MTG1: variants seen among roughly 807,000 people sequenced by gnomAD.
The protein encoded by MTG1 is mitochondrial ribosome associated GTPase 1, also known as mitochondrial ribosome-associated GTPase 1.
Under a neutral mutation model 39.5 loss-of-function variants are expected in MTG1, and 30 were observed. The observed-to-expected ratio is 0.76, with a 90% confidence interval of 0.57 to 1.03. The LOEUF (loss-of-function observed/expected upper bound fraction) is 1.03. MTG1 is among the 50% of genes least tolerant of loss of function. MTG1 has a pLI of 0.00. For synonymous variants in MTG1, 217 were observed against 179.0 expected (o/e 1.21, Z -1.69); for missense variants, 513 against 447.4 (o/e 1.15, Z -1.32).
intron 9 of MTG1, among the ~76,000 whole-genome samples, chr10:133,404,487 TA>T (rs1564820478): frequency 5.0e-5 from 1 of 19,928 alleles, no homozygotes; most frequent in Non-Finnish European, 3.5e-4. Flanking sequence ...GGTTTGTAAA[TA>T]CTTTAAGTCT....
At chr10:133,413,477 C>T (rs1850074864) in intron 9 of MTG1, among the ~76,000 whole-genome samples, 1 of 152,162 alleles carries the variant, frequency 6.6e-6, no homozygotes, top group South Asian at 2.1e-4. Context: ...TGGTCTTGAA[C>T]TCCTGACCTC....
Position 133,398,227 on chromosome 10 carries a change from T to C in MTG1, c.283-208T>C, listed in dbSNP as rs143293482. On this transcript the variant is annotated intron_variant, in intron 3 of 10. Coordinates refer to ENST00000317502, the MANE Select transcript of MTG1 (RefSeq NM_138384.4). Reference sequence around the variant, plus strand: ...ACTGCTTTGCACTAGTTTCACTGCATGTTAAGGCCAGTGAATTCAAAAATT... The same window carrying C: ...ACTGCTTTGCACTAGTTTCACTGCACGTTAAGGCCAGTGAATTCAAAAATT... Among the ~76,000 whole-genome samples, 979 of 152,288 alleles carry C rather than the reference T, an allele frequency of 6.4e-3. 7 individuals are homozygous for C. The highest frequency in any genetic ancestry group is 8.7e-3 in the Non-Finnish European group (595 of 68,026).
At chr10:133,401,696 C>T (rs770456696) in intron 7 of MTG1, 106 bp downstream of exon 7, 13 of 1,087,820 alleles carry the variant, frequency 1.2e-5, no homozygotes, top group Non-Finnish European at 1.5e-5. Context: ...GCTTCCCTCC[C>T]CTCCACTCAG....
Position 133,402,182 on chromosome 10 carries a change from A to G in MTG1, c.607A>G (p.Thr203Ala), listed in dbSNP as rs780715228. ...SERPLMFLLD[T>A]PGVLAPRIES... ...GCGGCCCCTGATGTTCCTGTTGGAC[A>G]CTCCTGGCGTGCTGGCTCCTCGGAT... Residue 203 changes from threonine to alanine, a missense_variant, in exon 8 of 11, where the codon ACT (threonine) becomes GCT (alanine). Transcript: ENST00000317502. The surrounding 1 kb of genome is among the most constrained non-coding windows in gnomAD (Gnocchi z 4.7). 1 of 1,613,252 alleles carries G rather than the reference A, an allele frequency of 6.2e-7. No homozygotes were observed. Among genetic ancestry groups the G allele is most frequent in the African/African-American group, 1.3e-5 (1 of 74,810 alleles).
At chr10:133,411,565 A>G (rs2133508954) in intron 9 of MTG1, among the ~76,000 whole-genome samples, 1 of 151,456 alleles carries the variant, frequency 6.6e-6, no homozygotes, top group South Asian at 2.1e-4. Flanking sequence ...TCCTTCTTGA[A>G]CCCCAGTAAT....
intron 6 of MTG1, among the ~76,000 whole-genome samples, chr10:133,399,973 A>G (rs1849849450): frequency 6.6e-6 from 1 of 152,202 alleles, no homozygotes; most frequent in South Asian, 2.1e-4. Flanking sequence ...CGGGCGGATC[A>G]TGAGGTCAGG....
intron 9 of MTG1, among the ~76,000 whole-genome samples, chr10:133,408,838 T>G (rs990674843): frequency 6.6e-6 from 1 of 152,224 alleles, no homozygotes; most frequent in Non-Finnish European, 1.5e-5. Context: ...TGCTGTGTAG[T>G]TGTTCGTAGT....
chr10:133,412,956 G>A (rs1486983054), intron 9 of MTG1, among the ~76,000 whole-genome samples: 5 of 152,274 alleles, frequency 3.3e-5, no homozygotes, highest in African/African-American at 9.6e-5. Flanking sequence ...TTTTGGCTTC[G>A]TGTATTTCGA....
intron 6 of MTG1, 56 bp downstream of exon 6, chr10:133,399,675 G>A (rs1173043885): frequency 5.1e-6 from 8 of 1,558,360 alleles, no homozygotes; most frequent in East Asian, 2.2e-5. Flanking sequence ...TGTGGCTGAT[G>A]TGCTGATGCC....
At chr10:133,412,825 C>A (rs576457795) in intron 9 of MTG1, among the ~76,000 whole-genome samples, 50 of 152,036 alleles carry the variant, frequency 3.3e-4, no homozygotes, top group African/African-American at 1.1e-3. Flanking sequence ...GATTTCCATT[C>A]GATGTTTATT....
chr10:133,416,386 ATATTT>A (rs1403264009), intron 9 of MTG1, among the ~76,000 whole-genome samples: 1 of 116,312 alleles, frequency 8.6e-6, no homozygotes, highest in Admixed American at 8.7e-5. Flanking sequence ...ATATATATAT[ATATTT>A]TTCTTTTTAT....
In MTG1 at chr10:133,402,762, C is replaced by T. The variant is rs1043746777; in HGVS notation, c.741C>T (p.His247=). 1.2e-6 allele frequency: 2 copies of T among 1,604,750 alleles called. No individual in the cohort carries two copies. Among genetic ancestry groups the T allele is most frequent in the African/African-American group, 2.7e-5 (2 of 74,776 alleles). The part of the protein sequence containing the change: ...ADYLLYTLNK[H]QRFGYVQHYG... ...ACCTGCTGTACACCCTCAACAAACA[C>T]CAGCGCTTTGGGTGAGTGCAGTGAA... is the stretch of plus-strand genomic sequence containing the variant. The change falls in exon 9 of 11, where the codon CAC becomes CAT. Residue 247 remains histidine (H), a synonymous_variant. Coordinates refer to ENST00000317502, the MANE Select transcript of MTG1 (RefSeq NM_138384.4). The surrounding 1 kb of genome is among the most constrained non-coding windows in gnomAD (Gnocchi z 4.7).
chr10:133,396,675 A>G (rs1394067159), intron 3 of MTG1, among the ~76,000 whole-genome samples: 22 of 152,252 alleles, frequency 1.4e-4, no homozygotes, highest in Non-Finnish European at 7.3e-5. Flanking sequence ...TTGTATATGA[A>G]TATTACTAAT....
chr10:133,398,123 C>T (rs914204569), intron 3 of MTG1, among the ~76,000 whole-genome samples: 1 of 152,204 alleles, frequency 6.6e-6, no homozygotes, highest in Non-Finnish European at 1.5e-5. Flanking sequence ...CCAGCTGAAT[C>T]AGTGAAGGAC....
chr10:133,418,479 G>A (rs1850169704), intron 9 of MTG1, among the ~76,000 whole-genome samples: 1 of 152,008 alleles, frequency 6.6e-6, no homozygotes, highest in Admixed American at 6.5e-5. Flanking sequence ...CTCCAGGCTT[G>A]CTCCTCTCTC....
At chr10:133,400,784 C>T (rs1849863169) in intron 6 of MTG1, among the ~76,000 whole-genome samples, 1 of 152,208 alleles carries the variant, frequency 6.6e-6, no homozygotes, top group Admixed American at 6.5e-5. Flanking sequence ...ACCCCTCGTT[C>T]CACTTTCTGT....
chr10:133,396,012 T>C (rs1264834660), intron 2 of MTG1, 151 bp from the exon 3 acceptor site: 23 of 827,748 alleles, frequency 2.8e-5, no homozygotes, highest in Non-Finnish European at 4.3e-5. Flanking sequence ...AGATGGGCTA[T>C]GAAACTGTTT....
chr10:133,401,608 C>CAG lies in MTG1; in HGVS notation c.573+19_573+20dup, dbSNP rs1480770348. 1.2e-6 allele frequency: 2 copies of CAG among 1,613,430 alleles called. No homozygotes were observed. The highest frequency in any genetic ancestry group is 1.7e-6 in the Non-Finnish European group (2 of 1,179,624). ...AAATTCAGGTGGAGTCCTCAGGGGC[C>CAG]AGGCCCAGCACTCTGTCAAGAGCTC... On this transcript the variant is annotated intron_variant, in intron 7 of 10. Coordinates refer to ENST00000317502, the MANE Select transcript of MTG1 (RefSeq NM_138384.4).
At chr10:133,401,122 G>C (rs1267158835) in intron 6 of MTG1, among the ~76,000 whole-genome samples, 1 of 152,200 alleles carries the variant, frequency 6.6e-6, no homozygotes. Context: ...GCTGACCTTG[G>C]GGTGCAGGGG....
Sources: allele counts gnomAD v4.1 joint callset (sites outside exome capture counted in the v4.1 genomes callset), GRCh38; gene constraint gnomAD v4.1.1; non-coding constraint Gnocchi (gnomAD v3.1); transcripts MANE v1.5; gene names NCBI Gene and HGNC (gene_info 2026-07-23, HGNC 2026-07-21).